PDE4D: variants seen among roughly 807,000 people sequenced by gnomAD.
PDE4D encodes 3',5'-cyclic-AMP phosphodiesterase 4D.
Under a neutral mutation model 87.4 loss-of-function variants are expected in PDE4D, and 24 were observed. The ratio of observed to expected loss-of-function variants is 0.27; its 90% CI spans 0.20 to 0.39. The LOEUF (loss-of-function observed/expected upper bound fraction) is 0.39. PDE4D is among the 10% of genes least tolerant of loss of function. The pLI, the probability that PDE4D is intolerant of heterozygous loss-of-function variation, is 1.00. For synonymous variants in PDE4D, 384 were observed against 383.2 expected, an observed-to-expected ratio of 1.00 and a Z score of -0.02; for missense variants, 714 against 1,041.0, an observed-to-expected ratio of 0.69 and a Z score of 4.32.
At chr5:59,400,646 G>A (rs1324648217) in intron 1 of PDE4D, among the ~76,000 whole-genome samples, 3 of 151,220 alleles carry the variant, frequency 2.0e-5, no homozygotes, top group East Asian at 2.0e-4. Context: ...TGACGAGTTA[G>A]TGGGTGCAGC....
intron 1 of PDE4D, chr5:60,460,029 T>G: frequency 7.3e-7 from 1 of 1,368,592 alleles, no homozygotes; most frequent in African/African-American, 1.4e-5. Flanking sequence ...AGTACTGTAA[T>G]GAGTTTGACC....
intron 1 of PDE4D, among the ~76,000 whole-genome samples, chr5:59,462,377 G>C (rs1800903324): frequency 6.6e-6 from 1 of 151,968 alleles, no homozygotes; most frequent in Non-Finnish European, 1.5e-5. Flanking sequence ...GGCTCAAGTT[G>C]TTGGCCAAGC....
At chr5:60,349,149 T>C (rs1216881851) in intron 1 of PDE4D, among the ~76,000 whole-genome samples, 2 of 152,126 alleles carry the variant, frequency 1.3e-5, no homozygotes, top group African/African-American at 2.4e-5. Flanking sequence ...GAAAAGCCAA[T>C]TGCTGTTTTT....
intron 1 of PDE4D, among the ~76,000 whole-genome samples, chr5:59,493,066 G>A (rs1806514460): frequency 1.3e-5 from 2 of 152,114 alleles, no homozygotes; most frequent in South Asian, 4.1e-4. Context: ...TCAATTCAGT[G>A]AGAGGTGTCC....
chr5:59,619,010 T>C (rs1213401992), intron 1 of PDE4D, among the ~76,000 whole-genome samples: 1 of 152,180 alleles, frequency 6.6e-6, no homozygotes, highest in African/African-American at 2.4e-5. Context: ...GTTTTAGGTA[T>C]TTTGTTATAG....
intron 1 of PDE4D, among the ~76,000 whole-genome samples, chr5:60,386,295 G>A (rs926771619): frequency 6.6e-6 from 1 of 152,074 alleles, no homozygotes; most frequent in African/African-American, 2.4e-5. Flanking sequence ...TTCTCAAGCT[G>A]TGTGCCTCTT....
chr5:60,016,729 C>T (rs1367603122), intron 2 of PDE4D, among the ~76,000 whole-genome samples: 2 of 152,162 alleles, frequency 1.3e-5, no homozygotes, highest in South Asian at 4.1e-4. Flanking sequence ...CAAGTTTTAT[C>T]ATGAAATTGC....
At position 58,971,883 on chromosome 5, in the gene PDE4D, G is replaced by A. The variant is rs993011754; in HGVS notation, c.*2781C>T. On this transcript the variant is annotated 3_prime_UTR_variant, in exon 15 of 15. Transcript: ENST00000340635. The stretch of plus-strand genomic sequence containing the variant: ...GAAGCACACTTTGGCAAGAGAGAAG[G>A]GCAAGGATAAGCAGATTGTACAGTG... 4 of 152,426 alleles carry A rather than the reference G, an allele frequency of 2.6e-5. No individual in the cohort carries two copies. The highest frequency in any genetic ancestry group is 9.7e-5 in the African/African-American group (4 of 41,386). The allele number at this position is 152,426 out of a possible 1,614,324, so 9.4% of individuals were successfully genotyped here. A position where few individuals can be genotyped will look rare whatever the true frequency, so the allele number is the denominator to read the frequency against.
chr5:59,585,310 C>T (rs1050450061), intron 1 of PDE4D, among the ~76,000 whole-genome samples: 4 of 152,186 alleles, frequency 2.6e-5, no homozygotes, highest in Admixed American at 6.5e-5. Flanking sequence ...GTACCTTAAG[C>T]TCTCAGGGAG....
At chr5:60,413,131 G>A (rs553938870) in intron 1 of PDE4D, among the ~76,000 whole-genome samples, 7 of 152,050 alleles carry the variant, frequency 4.6e-5, no homozygotes, top group Non-Finnish European at 1.0e-4. Flanking sequence ...AGCACATAAC[G>A]TTCATGCTAT....
At chr5:59,737,416 C>G (rs187297883) in intron 1 of PDE4D, among the ~76,000 whole-genome samples, 326 of 152,084 alleles carry the variant, frequency 2.1e-3, no homozygotes, top group African/African-American at 7.5e-3. Context: ...TAGAAATCAG[C>G]CATGAAATTT....
chr5:59,246,484 G>A (rs528615547), intron 1 of PDE4D, among the ~76,000 whole-genome samples: 20 of 152,144 alleles, frequency 1.3e-4, no homozygotes, highest in African/African-American at 4.3e-4. Context: ...TATGTATTAG[G>A]CCTTCCGTCT....
intron 5 of PDE4D, among the ~76,000 whole-genome samples, chr5:59,168,933 C>T (rs571826818): frequency 1.1e-4 from 16 of 152,286 alleles, no homozygotes; most frequent in African/African-American, 3.8e-4. Flanking sequence ...CGGTGTCTAC[C>T]TCTTTGGATA....
intron 1 of PDE4D, among the ~76,000 whole-genome samples, chr5:59,252,656 G>A (rs1415993909): frequency 2.6e-5 from 4 of 151,900 alleles, no homozygotes; most frequent in African/African-American, 9.7e-5. Context: ...CGAGTAGGTG[G>A]GACTACAGGT....
intron 1 of PDE4D, chr5:59,430,732 A>C (rs1795982498): frequency 4.9e-6 from 1 of 203,074 alleles, no homozygotes; most frequent in African/African-American, 2.3e-5. Context: ...CACTCAGACC[A>C]AATCTCTGAG....
intron 1 of PDE4D, among the ~76,000 whole-genome samples, chr5:59,403,063 A>C (rs258112): frequency 0.23 from 34,616 of 151,896 alleles, 4,190 homozygotes; most frequent in East Asian, 0.39. Context: ...ATGTGACATT[A>C]TCACCAATTT....
At chr5:60,193,669 C>CAAAAAAAAAAAAAAAAAAAAAAA (rs35340734) in intron 1 of PDE4D, among the ~76,000 whole-genome samples, 15 of 46,824 alleles carry the variant, frequency 3.2e-4, no homozygotes, top group Non-Finnish European at 3.7e-4. Flanking sequence ...GACTCCGTCT[C>CAAAAAAAAAAAAAAAAAAAAAAA]AAAAAAAAAA....
At chr5:59,004,925 T>C (rs1751293644) in intron 6 of PDE4D, among the ~76,000 whole-genome samples, 1 of 152,222 alleles carries the variant, frequency 6.6e-6, no homozygotes, top group African/African-American at 2.4e-5. Flanking sequence ...TGTCTTCAAC[T>C]TTGACTCCTC....
chr5:60,236,163 G>A, intron 1 of PDE4D, among the ~76,000 whole-genome samples: 1 of 147,570 alleles, frequency 6.8e-6, no homozygotes, highest in Non-Finnish European at 1.5e-5. Flanking sequence ...GGAGAAAAAT[G>A]TTAGGACTTA....
Sources: allele counts gnomAD v4.1 joint callset (sites outside exome capture counted in the v4.1 genomes callset), GRCh38; gene constraint gnomAD v4.1.1; transcripts MANE v1.5; gene names NCBI Gene and HGNC (gene_info 2026-07-23, HGNC 2026-07-21).